POU2F2: variants seen among roughly 807,000 people sequenced by gnomAD.
POU2F2 encodes the protein POU domain, class 2, transcription factor 2.
POU2F2 carries 14 observed loss-of-function variants against 63.5 expected under a neutral mutation model. The observed-to-expected ratio is 0.22, with a 90% CI of 0.15 to 0.34. The LOEUF (loss-of-function observed/expected upper bound fraction) is 0.34. Among genes scored for constraint, POU2F2 ranks in the 10% least tolerant of loss-of-function variants. POU2F2 has a pLI of 1.00. For missense variants in POU2F2, 607 were observed against 815.2 expected, an observed-to-expected ratio of 0.74 and a Z score of 3.11; for synonymous variants, 306 against 348.6, an observed-to-expected ratio of 0.88 and a Z score of 1.36.
chr19:42,170,984 T>C (rs1428334378), intron 1 of POU2F2, among the ~76,000 whole-genome samples: 1 of 152,250 alleles, frequency 6.6e-6, no homozygotes, highest in Non-Finnish European at 1.5e-5. Flanking sequence ...ATTAGTCGGC[T>C]CCTGCCTCTG....
At chr19:42,166,828 T>C (rs926961891) in intron 1 of POU2F2, among the ~76,000 whole-genome samples, 1 of 152,086 alleles carries the variant, frequency 6.6e-6, no homozygotes, top group Admixed American at 6.5e-5. Context: ...TGGTAAGTGC[T>C]CACCCTGAAG....
chr19:42,191,164 C>T (rs2035071320), intron 1 of POU2F2, among the ~76,000 whole-genome samples: 1 of 152,116 alleles, frequency 6.6e-6, no homozygotes, highest in Non-Finnish European at 1.5e-5. Context: ...CCAGGTCCAC[C>T]CTCCATTCTT....
chr19:42,133,860 A>C (rs1568407260), upstream of POU2F2, among the ~76,000 whole-genome samples: 1 of 152,148 alleles, frequency 6.6e-6, no homozygotes, highest in Non-Finnish European at 1.5e-5. The surrounding 1 kb of genome is among the most constrained non-coding windows in gnomAD (Gnocchi z 5.1). Flanking sequence ...CTACAGGCAC[A>C]ACTACAGGAG....
At chr19:42,189,189 C>T (rs1200944332) in intron 1 of POU2F2, among the ~76,000 whole-genome samples, 1 of 152,148 alleles carries the variant, frequency 6.6e-6, no homozygotes, top group Admixed American at 6.5e-5. Flanking sequence ...ACCCAGCATC[C>T]ATTTCGCCAT....
chr19:42,174,011 T>C (rs2034822362), intron 1 of POU2F2, among the ~76,000 whole-genome samples: 1 of 152,176 alleles, frequency 6.6e-6, no homozygotes, highest in Non-Finnish European at 1.5e-5. Context: ...CCAGGGAAGC[T>C]TTTCATGGGC....
At chr19:42,177,887 T>C (rs941425838), upstream of POU2F2, among the ~76,000 whole-genome samples, 1 of 143,172 alleles carries the variant, frequency 7.0e-6, no homozygotes, top group Non-Finnish European at 1.5e-5. Flanking sequence ...AGAGAAAGAC[T>C]CCTAGAGGCA....
chr19:42,115,104 T>C (rs2031673002), intron 5 of POU2F2, among the ~76,000 whole-genome samples: 1 of 151,510 alleles, frequency 6.6e-6, no homozygotes, highest in South Asian at 2.1e-4. Context: ...TGAGCCATAA[T>C]CCGCCACTGC....
intron 1 of POU2F2, among the ~76,000 whole-genome samples, chr19:42,163,159 G>C (rs561233750): frequency 1.3e-5 from 2 of 152,164 alleles, no homozygotes; most frequent in Non-Finnish European, 2.9e-5. Context: ...GATGCAAGGA[G>C]AAGGTACAGG....
In POU2F2 at chr19:42,090,194, T is replaced by G. The variant is rs781505665; in HGVS notation, c.*1063A>C. The stretch of plus-strand genomic sequence containing the variant: ...CGTGAAGGATCCCACGGATAGGCAC[T>G]GGAATATGAATTTTTTTTTTTTTCA... On this transcript the variant is annotated 3_prime_UTR_variant, in exon 15 of 15. Coordinates refer to ENST00000692977, the MANE Select transcript of POU2F2 (RefSeq NM_001394376.1). The surrounding 1 kb of genome is among the most constrained non-coding windows in gnomAD (Gnocchi z 4.4). The G allele has an allele frequency of 6.6e-6, 1 of 152,120 alleles. No individual in the cohort carries two copies. The highest frequency in any genetic ancestry group is 1.5e-5 in the Non-Finnish European group (1 of 67,964). The allele number at this position is 152,120 out of a possible 1,614,324, so 9.4% of individuals were successfully genotyped here. A position where few individuals can be genotyped will look rare whatever the true frequency, so the allele number is the denominator to read the frequency against.
At chr19:42,183,246 T>C (rs2034981623) in intron 1 of POU2F2, among the ~76,000 whole-genome samples, 1 of 152,142 alleles carries the variant, frequency 6.6e-6, no homozygotes, top group Non-Finnish European at 1.5e-5. Flanking sequence ...TCATCTGAAG[T>C]TGTTGGTGGG....
At chr19:42,172,304 C>T (rs150971991) in intron 1 of POU2F2, among the ~76,000 whole-genome samples, 1 of 152,328 alleles carries the variant, frequency 6.6e-6, no homozygotes, top group African/African-American at 2.4e-5. Flanking sequence ...GGTTCTGCTT[C>T]AGAGTCTAGG....
rs2034396242 is a variant in POU2F2 at position 42,153,543 on chromosome 19, A to G, written c.-9+6789T>C. ...GTGAGCCTCCATGGGTCCCGTGTGG[A>G]TCTGTGCCTGTGCCTGTGGGCAGCT... On this transcript the variant is annotated intron_variant, in intron 2 of 6. Coordinates refer to the POU2F2 transcript ENST00000524801. This position sits in a 1 kb window ranked among gnomAD's most constrained non-coding sequence, Gnocchi z 5.6. Among the ~76,000 whole-genome samples, 1 of 151,840 alleles carries G rather than the reference A, an allele frequency of 6.6e-6. No individual in the cohort carries two copies. The highest frequency in any genetic ancestry group is 2.1e-4 in the South Asian group (1 of 4,824).
intron 1 of POU2F2, among the ~76,000 whole-genome samples, chr19:42,174,099 C>A (rs961286276): frequency 6.6e-6 from 1 of 152,104 alleles, no homozygotes; most frequent in African/African-American, 2.4e-5. Flanking sequence ...TGCAAGCATG[C>A]CGTCAAACTC....
chr19:42,155,527 T>C lies in POU2F2; in HGVS notation c.-9+4805A>G, dbSNP rs956581358. ...GTCCTAGCCTGTAGTCCCAGCTACA[T>C]AGGAGACTGAGGCAGGAGGATTGCT... On this transcript the variant is annotated intron_variant, in intron 2 of 6. Transcript: ENST00000524801. This position sits in a 1 kb window ranked among gnomAD's most constrained non-coding sequence, Gnocchi z 4.2. Among the ~76,000 whole-genome samples the C allele has an allele frequency of 7.2e-5, 11 of 152,288 alleles. No individual in the cohort carries two copies. The highest frequency in any genetic ancestry group is 1.9e-4 in the African/African-American group (8 of 41,546).
intron 2 of POU2F2, among the ~76,000 whole-genome samples, chr19:42,146,920 C>T (rs889647184): frequency 6.6e-6 from 1 of 152,154 alleles, no homozygotes; most frequent in African/African-American, 2.4e-5. Flanking sequence ...AAAGCGCTGT[C>T]TGATTCCTCC....
chr19:42,183,828 C>A (rs1288811074), intron 1 of POU2F2, among the ~76,000 whole-genome samples: 13 of 152,028 alleles, frequency 8.6e-5, no homozygotes, highest in Non-Finnish European at 1.8e-4. Context: ...GAAAAAAGTT[C>A]ACTATGTTTT....
At chr19:42,173,375 C>T (rs186050315) in intron 1 of POU2F2, among the ~76,000 whole-genome samples, 1 of 152,234 alleles carries the variant, frequency 6.6e-6, no homozygotes, top group African/African-American at 2.4e-5. Context: ...CATGCCTCTA[C>T]ACATTATGAT....
At chr19:42,103,623 G>GTTACT in intron 5 of POU2F2, among the ~76,000 whole-genome samples, 1 of 132,104 alleles carries the variant, frequency 7.6e-6, no homozygotes, top group Non-Finnish European at 1.6e-5. Context: ...GAAGGGGCTC[G>GTTACT]TTTCTTTTTT....
chr19:42,163,173 TG>T (rs1382520416), intron 1 of POU2F2, among the ~76,000 whole-genome samples: 1 of 152,082 alleles, frequency 6.6e-6, no homozygotes, highest in East Asian at 1.9e-4. Flanking sequence ...GTACAGGAAC[TG>T]GGCACCTAAA....
Sources: allele counts gnomAD v4.1 joint callset (sites outside exome capture counted in the v4.1 genomes callset), GRCh38; gene constraint gnomAD v4.1.1; non-coding constraint Gnocchi (gnomAD v3.1); transcripts MANE v1.5; gene names NCBI Gene and HGNC (gene_info 2026-07-23, HGNC 2026-07-21).